CFAP251: variants seen among roughly 807,000 people sequenced by gnomAD.
CFAP251 encodes the protein cilia- and flagella-associated protein 251.
CFAP251 carries 93 observed loss-of-function variants against 126.7 expected under a neutral mutation model. The ratio of observed to expected loss-of-function variants is 0.73; its 90% CI spans 0.62 to 0.87. The LOEUF (loss-of-function observed/expected upper bound fraction) is 0.87, where lower values mean the gene tolerates loss of function less well. CFAP251 is among the 40% of genes least tolerant of loss of function. The pLI is 0.00. For missense variants in CFAP251, 1,287 were observed against 1,389.2 expected, an observed-to-expected ratio of 0.93 and a Z score of 1.17; for synonymous variants, 503 against 506.9, an observed-to-expected ratio of 0.99 and a Z score of 0.10.
chr12:121,963,080 C>A (rs1223113912), intron 15 of CFAP251, among the ~76,000 whole-genome samples: 2 of 152,126 alleles, frequency 1.3e-5, no homozygotes, highest in Non-Finnish European at 2.9e-5. Context: ...CTGATTGATG[C>A]TTTAGAATGA....
At chr12:121,972,887 G>C (rs1259149200) in intron 17 of CFAP251, among the ~76,000 whole-genome samples, 1 of 152,148 alleles carries the variant, frequency 6.6e-6, no homozygotes, top group Non-Finnish European at 1.5e-5. Flanking sequence ...ATAAAAGTTT[G>C]GAAAATTTGC....
At position 121,946,303 on chromosome 12, in the gene CFAP251, G is replaced by A. The variant is rs1881325520; in HGVS notation, c.1192-2681G>A. Among the ~76,000 whole-genome samples the A allele has an allele frequency of 3.3e-5, 5 of 152,288 alleles. No individual in the cohort carries two copies. The South Asian group carries it at 1.0e-3, about 32-fold the overall frequency. On this transcript the variant is annotated intron_variant, in intron 7 of 21. Transcript: ENST00000288912. ...ACTGTTTATTAATTCACTGTTAATG[G>A]ACATTGGGTTGTTTCCTGGTTGTGG...
intron 17 of CFAP251, chr12:121,968,763 T>C: frequency 3.0e-6 from 1 of 338,838 alleles, no homozygotes; most frequent in Non-Finnish European, 4.2e-6. Context: ...GAAATGGGGG[T>C]GATAATAGGA....
intron 5 of CFAP251, among the ~76,000 whole-genome samples, chr12:121,937,357 G>C (rs139140651): frequency 2.3e-3 from 353 of 152,228 alleles, no homozygotes; most frequent in Non-Finnish European, 3.6e-3. Flanking sequence ...ATTAGATTTG[G>C]GGCCCACCCC....
intron 10 of CFAP251, among the ~76,000 whole-genome samples, chr12:121,955,242 C>T (rs1881686304): frequency 6.6e-6 from 1 of 152,034 alleles, no homozygotes; most frequent in South Asian, 2.1e-4. Context: ...TGCAGTGAGC[C>T]AAGATCTCAC....
chr12:121,968,861 T>A (rs1882240067), intron 17 of CFAP251: 1 of 983,520 alleles, frequency 1.0e-6, no homozygotes, highest in Non-Finnish European at 1.2e-6. Context: ...GTGAATGATT[T>A]CCTTTCGTCT....
At chr12:121,979,468 A>G (rs1002713777) in intron 19 of CFAP251, among the ~76,000 whole-genome samples, 3 of 151,204 alleles carry the variant, frequency 2.0e-5, no homozygotes, top group African/African-American at 4.9e-5. Context: ...GGGATTCTCT[A>G]CATCTCCTGG....
intron 15 of CFAP251, among the ~76,000 whole-genome samples, chr12:121,964,893 A>C (rs1882068597): frequency 1.3e-5 from 2 of 152,016 alleles, no homozygotes; most frequent in Admixed American, 6.6e-5. Context: ...ACAGAGCTAG[A>C]CTCTGTCTTA....
At chr12:121,980,775 C>G (rs1169740588) in intron 19 of CFAP251, among the ~76,000 whole-genome samples, 4 of 152,222 alleles carry the variant, frequency 2.6e-5, no homozygotes, top group African/African-American at 9.6e-5. Context: ...CAACGTTTAA[C>G]CAAATACCCA....
At chr12:121,959,295 G>T in intron 13 of CFAP251, 1 of 513,566 alleles carries the variant, frequency 1.9e-6, no homozygotes, top group South Asian at 3.4e-5. Flanking sequence ...TTAAAAATTA[G>T]CCAGGCCTTG....
intron 15 of CFAP251, among the ~76,000 whole-genome samples, chr12:121,966,007 C>G (rs1476420071): frequency 6.6e-6 from 1 of 151,822 alleles, no homozygotes; most frequent in Non-Finnish European, 1.5e-5. Context: ...AGGCTGGACT[C>G]GAACTCCTAA....
chr12:121,967,484 C>T (rs1192630106), intron 16 of CFAP251, among the ~76,000 whole-genome samples: 2 of 152,238 alleles, frequency 1.3e-5, no homozygotes, highest in Middle Eastern at 3.4e-3. Context: ...GGGTGGATCA[C>T]GAGGTCAGGA....
Position 121,954,193 on chromosome 12 carries a change from C to G in CFAP251, c.1394C>G (p.Thr465Arg). Residue 465 changes from threonine to arginine, a missense_variant, in exon 10 of 22, where the codon ACA (threonine) becomes AGA (arginine). Transcript: ENST00000288912. ...HLNLTQILSA[T>R]MEGKLVVWDI... Reference sequence around the variant, plus strand: ...AATTTAACACAAATACTCTCAGCCACAATGGAAGGGAAGCTGGTTGTCTGG... The same window carrying G: ...AATTTAACACAAATACTCTCAGCCAGAATGGAAGGGAAGCTGGTTGTCTGG... The G allele has an allele frequency of 6.2e-7, 1 of 1,614,186 alleles. No individual in the cohort carries two copies. The highest frequency in any genetic ancestry group is 1.1e-5 in the South Asian group (1 of 91,084).
In CFAP251 at chr12:121,999,765, G is replaced by A; in HGVS notation, c.3056G>A (p.Gly1019Glu). 6.2e-7 allele frequency: 1 copy of A among 1,613,524 alleles called. No individual in the cohort carries two copies. Among genetic ancestry groups the A allele is most frequent in the Non-Finnish European group, 8.5e-7 (1 of 1,179,602 alleles). The change falls in exon 20 of 22, where the codon GGA becomes GAA. Residue 1019 changes from glycine to glutamate, a missense_variant. Coordinates refer to ENST00000288912, the MANE Select transcript of CFAP251 (RefSeq NM_144668.6). ...AAATTTGGTGAATATGTGGACACTG[G>A]AAAGCTAATCGACAAGATCAACTTA... ...EIKFGEYVDT[G>E]KLIDKINLPD...
In CFAP251 at chr12:121,976,943, G is replaced by A. The variant is rs941909177; in HGVS notation, c.3006+1258G>A. 4.6e-5 allele frequency among the ~76,000 whole-genome samples: 7 copies of A among 152,276 alleles called. 1 individual carries two copies. Among genetic ancestry groups the A allele is most frequent in the Admixed American group, 2.0e-4 (3 of 15,290 alleles). ...ATAAATAAATAAAGTACAATTTATT[G>A]TATTTCTTCTGACTTTTATTAATAT... On this transcript the variant is annotated intron_variant, in intron 19 of 21. Transcript: ENST00000288912.
chr12:121,942,072 A>G (rs1235330430), intron 5 of CFAP251, among the ~76,000 whole-genome samples: 3 of 152,212 alleles, frequency 2.0e-5, no homozygotes, highest in African/African-American at 7.2e-5. Flanking sequence ...CATTGCCTTG[A>G]GTTAGGCTTG....
rs765520190 is a variant in CFAP251, at chr12:121,923,899, C to G, written c.656C>G (p.Ser219Cys). Residue 219 changes from serine (S) to cysteine (C), a missense_variant, in exon 3 of 22, where the codon TCC becomes TGC. Transcript: ENST00000288912. ...GAAAGGAGAGTATCCGACATCCAGT[C>G]CAAAGCAGGGATCTCCCGGGAGTCA... ...GQERRVSDIQ[S>C]KAGISRESLV... 2 of 1,614,100 alleles carry G rather than the reference C, an allele frequency of 1.2e-6. No individual in the cohort carries two copies. The highest frequency in any genetic ancestry group is 1.7e-6 in the Non-Finnish European group (2 of 1,180,032).
intron 14 of CFAP251, among the ~76,000 whole-genome samples, chr12:121,961,736 A>G (rs1306456913): frequency 6.6e-6 from 1 of 152,228 alleles, no homozygotes; most frequent in Non-Finnish European, 1.5e-5. Context: ...TCTGAGGATG[A>G]CATGACAGCT....
rs185099549 is a variant in CFAP251 at position 121,958,300 on chromosome 12, G to A, written c.1759G>A (p.Ala587Thr). Reference sequence around the variant, plus strand: ...TTTTATCATTGGAACATCTGATGCCGCGGTGTACCACTTAACAACAGATGG... The same window carrying A: ...TTTTATCATTGGAACATCTGATGCCACGGTGTACCACTTAACAACAGATGG... Reference protein sequence around the residue: ...RNFIIGTSDAAVYHLTTDGTK... With the variant: ...RNFIIGTSDATVYHLTTDGTK... Residue 587 changes from alanine to threonine, a missense_variant, in exon 12 of 22, where the codon GCG becomes ACG. Ala to Thr is a moderately conservative substitution (Grantham distance 58). Coordinates refer to ENST00000288912, the MANE Select transcript of CFAP251 (RefSeq NM_144668.6). 433 of 1,614,142 alleles carry A rather than the reference G, an allele frequency of 2.7e-4. No homozygotes were observed. The African/African-American group carries it at 3.0e-3, about 11-fold the overall frequency.
Sources: allele counts gnomAD v4.1 joint callset (sites outside exome capture counted in the v4.1 genomes callset), GRCh38; gene constraint gnomAD v4.1.1; transcripts MANE v1.5; gene names NCBI Gene and HGNC (gene_info 2026-07-23, HGNC 2026-07-21).